Variants in LRRK2 observed in about 807,000 individuals in gnomAD.
The protein encoded by LRRK2 is leucine-rich repeat serine/threonine-protein kinase 2.
In LRRK2, 203 loss-of-function variants were observed where a neutral mutation model predicts 302.6. The ratio of observed to expected loss-of-function variants is 0.67; its 90% CI spans 0.60 to 0.75. The LOEUF is 0.75. Ranked by LOEUF, LRRK2 falls within the 30% of genes least tolerant of loss-of-function variation. The pLI, the probability that LRRK2 is intolerant of heterozygous loss-of-function variation, is 0.00. For missense variants in LRRK2, 2,830 were observed against 2,951.0 expected (o/e 0.96, Z 0.95); for synonymous variants, 1,066 against 1,031.9 (o/e 1.03, Z -0.63).
rs572847210 is a variant in LRRK2 at position 40,285,054 on chromosome 12, G to C, written c.2500+921G>C. Among the ~76,000 whole-genome samples, 3 of 152,130 alleles carry C rather than the reference G, an allele frequency of 2.0e-5. No individual in the cohort carries two copies. In the East Asian group the frequency reaches 5.8e-4, roughly 29 times the overall value. ...AGGCTCCAAAAGTTCCAATCAGGCT[G>C]AATTTTCCTCGGTTTCTCAAACACT... On this transcript the variant is annotated intron_variant, in intron 19 of 50. Transcript: ENST00000298910.
chr12:40,335,271 A>T (rs1945833874), intron 40 of LRRK2, 114 bp downstream of exon 40: 3 of 1,150,774 alleles, frequency 2.6e-6, no homozygotes, highest in Non-Finnish European at 3.8e-6. Context: ...ATTTATAAAC[A>T]ATTTGGATGA....
chr12:40,286,131 A>G (rs1943917774), intron 19 of LRRK2, among the ~76,000 whole-genome samples: 1 of 152,008 alleles, frequency 6.6e-6, no homozygotes, highest in South Asian at 2.1e-4. Context: ...CCATTGACAC[A>G]TCTTACCCAG....
intron 17 of LRRK2, 27 bp from the exon 18 acceptor site, chr12:40,278,064 T>C (rs1488717377): frequency 6.2e-7 from 1 of 1,613,952 alleles, no homozygotes; most frequent in Non-Finnish European, 8.5e-7. Flanking sequence ...TTTATCTGAC[T>C]CTAATTCTCA....
rs1406413318 is a variant in LRRK2 at position 40,274,909 on chromosome 12, G to T, written c.1857G>T (p.Val619=). 1.2e-6 allele frequency: 2 copies of T among 1,613,346 alleles called. No homozygotes were observed. The highest frequency in any genetic ancestry group is 2.2e-5 in the East Asian group (1 of 44,838). Residue 619 remains valine (V), a synonymous_variant, in exon 16 of 51, where the codon GTG becomes GTT. Transcript: ENST00000298910. The stretch of plus-strand genomic sequence containing the variant: ...GATACTTGATTACAAAGAAGAATGT[G>T]TTCATAGGAACTGGACATCTGCTGG... The part of the protein sequence containing the change: ...LIGYLITKKN[V]FIGTGHLLAK...
chr12:40,252,787 G>A, intron 10 of LRRK2, 123 bp from the exon 11 acceptor site: 2 of 689,240 alleles, frequency 2.9e-6, no homozygotes, highest in Non-Finnish European at 2.6e-6. Context: ...TGTAAGTGGA[G>A]GTGGCATGAA....
intron 18 of LRRK2, 68 bp downstream of exon 18, chr12:40,278,329 G>A (rs981109628): frequency 2.0e-5 from 31 of 1,550,086 alleles, no homozygotes; most frequent in Non-Finnish European, 2.4e-5. Context: ...CCCTGCCATT[G>A]TGTATCTCTT....
intron 19 of LRRK2, among the ~76,000 whole-genome samples, chr12:40,284,519 C>T (rs1943842125): frequency 6.6e-6 from 1 of 151,816 alleles, no homozygotes; most frequent in African/African-American, 2.4e-5. Context: ...TTTTTATATG[C>T]TTACATGTAC....
intron 43 of LRRK2, among the ~76,000 whole-genome samples, chr12:40,350,644 G>A (rs905739437): frequency 1.3e-5 from 2 of 152,100 alleles, no homozygotes; most frequent in Non-Finnish European, 2.9e-5. Context: ...GATCAAAATA[G>A]TCAAGTACAA....
At chr12:40,259,850 CTTTTAT>C (rs1037304837) in intron 13 of LRRK2, among the ~76,000 whole-genome samples, 3 of 152,028 alleles carry the variant, frequency 2.0e-5, no homozygotes, top group African/African-American at 7.2e-5. Flanking sequence ...AAATGTGGAG[CTTTTAT>C]TTTTAAGGAG....
intron 14 of LRRK2, among the ~76,000 whole-genome samples, chr12:40,265,800 AGAGATATAGGCCAATG>A: frequency 6.6e-6 from 1 of 152,318 alleles, no homozygotes; most frequent in East Asian, 1.9e-4. Context: ...GTACCAAAAA[AGAGATATAGGCCAATG>A]GAACAGAACA....
intron 14 of LRRK2, among the ~76,000 whole-genome samples, chr12:40,264,849 A>C (rs1284482936): frequency 1.3e-5 from 2 of 152,218 alleles, no homozygotes; most frequent in African/African-American, 2.4e-5. Context: ...GTAATGCAAA[A>C]AGTATTGGTG....
chr12:40,289,380 A>G (rs150430327), intron 20 of LRRK2, among the ~76,000 whole-genome samples: 29 of 151,614 alleles, frequency 1.9e-4, no homozygotes, highest in African/African-American at 6.8e-4. Flanking sequence ...TGTTCTTATT[A>G]TTCTAGGTTC....
intron 39 of LRRK2, among the ~76,000 whole-genome samples, chr12:40,333,742 G>T (rs532554976): frequency 6.6e-6 from 1 of 152,100 alleles, no homozygotes; most frequent in South Asian, 2.1e-4. Context: ...GGCCCATGGC[G>T]GGCCTCTCTG....
At position 40,365,844 on chromosome 12, in the gene LRRK2, T is replaced by TAG. The variant is rs571489259; in HGVS notation, c.7390+797_7390+798dup. On this transcript the variant is annotated intron_variant, in intron 49 of 50. Coordinates refer to ENST00000298910, the MANE Select transcript of LRRK2 (RefSeq NM_198578.4). ...TCACCTATTTTTCATTTATAGACTTTAGAGTTGCACAGGAGTTACAATTAG... is the reference window on the plus strand; with the variant it reads ...TCACCTATTTTTCATTTATAGACTTTAGAGAGTTGCACAGGAGTTACAATTAG... 2.8e-3 allele frequency: 424 copies of TAG among 152,064 alleles called. 2 individuals carry two copies. The highest frequency in any genetic ancestry group is 9.7e-3 in the African/African-American group (401 of 41,522). 9.4% of individuals were successfully genotyped at this position (152,064 alleles called of 1,614,324 possible). A position where few individuals can be genotyped will look rare whatever the true frequency, so the allele number is the denominator to read the frequency against.
At chr12:40,245,926 T>G (rs769489509) in intron 7 of LRRK2, among the ~76,000 whole-genome samples, 1 of 152,030 alleles carries the variant, frequency 6.6e-6, no homozygotes, top group Admixed American at 6.6e-5. Context: ...CCTTTCTGCT[T>G]CTTATATTCT....
chr12:40,284,644 G>A (rs1943845924), intron 19 of LRRK2, among the ~76,000 whole-genome samples: 1 of 152,032 alleles, frequency 6.6e-6, no homozygotes, highest in Non-Finnish European at 1.5e-5. Context: ...TCAAGCTCAT[G>A]TGTATTTTGT....
intron 14 of LRRK2, among the ~76,000 whole-genome samples, chr12:40,266,265 C>A (rs1391023922): frequency 6.6e-6 from 1 of 151,960 alleles, no homozygotes; most frequent in Non-Finnish European, 1.5e-5. Flanking sequence ...TGACAAAGGG[C>A]TAATATCTAG....
chr12:40,339,524 A>G (rs1945973113), intron 40 of LRRK2, among the ~76,000 whole-genome samples: 1 of 152,132 alleles, frequency 6.6e-6, no homozygotes, highest in South Asian at 2.1e-4. Flanking sequence ...GTCCAACTCT[A>G]GTTGCTCGTG....
At position 40,310,504 on chromosome 12, in the gene LRRK2, C is replaced by G. The variant is rs1040765034; in HGVS notation, c.4391C>G (p.Ala1464Gly). 18 of 1,612,592 alleles carry G rather than the reference C, an allele frequency of 1.1e-5. 1 individual carries two copies. In the African/African-American group the frequency reaches 1.9e-4, roughly 17 times the overall value. Residue 1464 changes from alanine to glycine, a missense_variant, in exon 31 of 51, where the codon GCC (alanine) becomes GGC (glycine). Around this residue, in one of 3 missense-constraint regions of LRRK2, gnomAD observed 2,121 missense variants for 2,148.0 expected, o/e 0.99. Coordinates refer to ENST00000298910, the MANE Select transcript of LRRK2 (RefSeq NM_198578.4). ...LDVSDEKQRK[A>G]CMSKITKELL... ...GTTTCTGATGAGAAGCAACGCAAAG[C>G]CTGCATGAGTAAAATCACCAAGGAA...
Sources: gnomAD v4.1 joint callset for allele counts (sites outside exome capture counted in the v4.1 genomes callset) on GRCh38, gnomAD v4.1.1 for gene constraint, gnomAD v4.1.1 regional missense constraint, MANE v1.5 for transcripts, NCBI Gene and HGNC (gene_info 2026-07-23, HGNC 2026-07-21) for gene names.